BAZ2A: variants seen among roughly 807,000 people sequenced by gnomAD.
BAZ2A encodes bromodomain adjacent to zinc finger domain 2A.
BAZ2A carries 34 observed loss-of-function variants against 199.9 expected under a neutral mutation model. The ratio of observed to expected loss-of-function variants is 0.17; its 90% CI spans 0.13 to 0.23. The LOEUF (loss-of-function observed/expected upper bound fraction) is 0.23, where lower values mean the gene tolerates loss of function less well. BAZ2A is among the 10% of genes least tolerant of loss of function. BAZ2A has a pLI of 1.00. For synonymous variants in BAZ2A, 857 were observed against 883.9 expected, an observed-to-expected ratio of 0.97 and a Z score of 0.54; for missense variants, 2,002 against 2,391.1, an observed-to-expected ratio of 0.84 and a Z score of 3.39.
chr12:56,608,892 T>TG (rs1950462955), intron 10 of BAZ2A, among the ~76,000 whole-genome samples: 2 of 136,060 alleles, frequency 1.5e-5, no homozygotes, highest in Non-Finnish European at 3.1e-5. Flanking sequence ...TTTTTTTTTT[T>TG]GAGACAGAGT....
upstream of BAZ2A, among the ~76,000 whole-genome samples, chr12:56,632,890 C>A (rs149364322): frequency 6.6e-6 from 1 of 152,108 alleles, no homozygotes; most frequent in Non-Finnish European, 1.5e-5. Flanking sequence ...CCCATCCAGA[C>A]GAGAGAGGGC....
chr12:56,598,976 G>C lies in BAZ2A; in HGVS notation c.5438C>G (p.Ala1813Gly). The change falls in exon 28 of 29, where the codon GCC (alanine) becomes GGC (glycine). Residue 1813 changes from alanine (A) to glycine (G), a missense_variant. By Grantham distance (60) the Ala-to-Gly change is moderately conservative. Transcript: ENST00000549884. The part of the protein sequence containing the change: ...ILMEMESHDA[A>G]WPFLEPVNPR... ...GTTCACAGGCTCTAGGAAAGGCCAGGCTGCATCATGGGACTCCATCTCCAT... is the reference window on the plus strand; with the variant it reads ...GTTCACAGGCTCTAGGAAAGGCCAGCCTGCATCATGGGACTCCATCTCCAT... 1 of 1,610,792 alleles carries C rather than the reference G, an allele frequency of 6.2e-7. No individual in the cohort carries two copies. The highest frequency in any genetic ancestry group is 8.5e-7 in the Non-Finnish European group (1 of 1,178,616).
In BAZ2A at chr12:56,606,236, C is replaced by T; in HGVS notation, c.2259+11G>A. On this transcript the variant is annotated intron_variant, in intron 12 of 28. Transcript: ENST00000549884. ...CGAAATTATACTTGGCAAGTTTGTA[C>T]ATGCACCTACCTTGGATTTCTTCTT... The T allele has an allele frequency of 6.2e-7, 1 of 1,613,978 alleles. No homozygotes were observed. Among genetic ancestry groups the T allele is most frequent in the Non-Finnish European group, 8.5e-7 (1 of 1,179,868 alleles).
intron 25 of BAZ2A, 29 bp from the exon 26 acceptor site, chr12:56,599,877 G>A (rs1286928762): frequency 6.2e-7 from 1 of 1,613,724 alleles, no homozygotes. Flanking sequence ...GAGGCAGAAT[G>A]AGCTCTCCAG....
rs1382290463 is a variant in BAZ2A, at chr12:56,617,396, T to C, written c.135A>G (p.Lys45=). The C allele has an allele frequency of 6.3e-7, 1 of 1,598,336 alleles. No homozygotes were observed. The highest frequency in any genetic ancestry group is 1.1e-5 in the South Asian group (1 of 87,926). ...AGGCCAAGCAGCCCTCACACTCACT[T>C]TTCCCTTGCTGGGGGAAGTTCATGG... is the stretch of plus-strand genomic sequence containing the variant. The part of the protein sequence containing the change: ...GSPMNFPQQG[K]SLNGDVNVNG... The change falls in exon 2 of 29, where the codon AAA becomes AAG. Residue 45 remains lysine, a splice_region_variant and synonymous_variant. Coordinates refer to ENST00000549884, the MANE Select transcript of BAZ2A (RefSeq NM_001300905.2).
At chr12:56,612,617 C>T (rs1460817235) in intron 5 of BAZ2A, among the ~76,000 whole-genome samples, 1 of 152,156 alleles carries the variant, frequency 6.6e-6, no homozygotes, top group Non-Finnish European at 1.5e-5. Context: ...CAGCAAGGTG[C>T]TCTTGCTTTC....
intron 4 of BAZ2A, 97 bp downstream of exon 4, chr12:56,613,856 C>G: frequency 7.4e-7 from 1 of 1,344,564 alleles, no homozygotes; most frequent in Admixed American, 2.3e-5. Context: ...CCCAGTGCCC[C>G]TGATTGCCTA....
intron 11 of BAZ2A, 156 bp downstream of exon 11, chr12:56,606,477 G>A: frequency 1.7e-6 from 2 of 1,188,824 alleles, no homozygotes; most frequent in Non-Finnish European, 2.5e-6. Context: ...CGTTATTTTT[G>A]AACAAACCCA....
At chr12:56,617,256 G>T in intron 2 of BAZ2A, 139 bp downstream of exon 2, 3 of 1,067,460 alleles carry the variant, frequency 2.8e-6, no homozygotes, top group Non-Finnish European at 3.8e-6. Context: ...TACAAAAAAT[G>T]TTTCCAAAAA....
chr12:56,632,079 T>C (rs1015908705), upstream of BAZ2A, among the ~76,000 whole-genome samples: 5 of 151,846 alleles, frequency 3.3e-5, no homozygotes, highest in African/African-American at 4.8e-5. Context: ...CCTTCTCTCC[T>C]CCCTGTCAAA....
intron 7 of BAZ2A, among the ~76,000 whole-genome samples, chr12:56,610,967 T>C (rs1950540788): frequency 6.6e-6 from 1 of 152,158 alleles, no homozygotes; most frequent in East Asian, 1.9e-4. Context: ...AGGAACTCTG[T>C]GTTCTGAGCA....
intron 2 of BAZ2A, 37 bp downstream of exon 2, chr12:56,617,358 C>T: frequency 1.9e-6 from 3 of 1,550,606 alleles, no homozygotes; most frequent in Non-Finnish European, 2.6e-6. Context: ...GGGATGATGC[C>T]CATTCCCTCC....
intron 11 of BAZ2A, 131 bp from the exon 12 acceptor site, chr12:56,606,443 ATTC>A: frequency 1.6e-6 from 2 of 1,229,130 alleles, no homozygotes; most frequent in Middle Eastern, 1.9e-4. Context: ...CAATGGATTA[ATTC>A]TCTCACCCTA....
In BAZ2A at chr12:56,611,573, C is replaced by A; in HGVS notation, c.1670G>T (p.Gly557Val). The A allele has an allele frequency of 6.2e-7, 1 of 1,612,358 alleles. No homozygotes were observed. The highest frequency in any genetic ancestry group is 8.5e-7 in the Non-Finnish European group (1 of 1,178,490). The change falls in exon 7 of 29, where the codon GGG becomes GTG. Residue 557 changes from glycine (G) to valine (V), a missense_variant and splice_region_variant. Physicochemically the swap from Gly to Val is moderately radical, Grantham distance 109 (BLOSUM62 -3). This residue lies in a region of BAZ2A where 641 missense variants were observed against 694.5 expected (regional missense o/e 0.92). Transcript: ENST00000549884. Reference protein sequence around the residue: ...PEEVRLPLQHGWRREVRIKKG... With the variant: ...PEEVRLPLQHVWRREVRIKKG... The stretch of plus-strand genomic sequence containing the variant: ...AAATGTAGCAAACTAGAGCATTTAC[C>A]CATGTTGGAGGGGAAGACGAACTTC...
chr12:56,636,447 G>A (rs1951451060), upstream of BAZ2A: 1 of 1,203,788 alleles, frequency 8.3e-7, no homozygotes, highest in South Asian at 2.0e-5. Context: ...GCGAGGACAG[G>A]GCAGACCAGG....
chr12:56,603,257 C>A, intron 18 of BAZ2A, 102 bp downstream of exon 18: 1 of 1,323,124 alleles, frequency 7.6e-7, no homozygotes, highest in East Asian at 2.5e-5. Context: ...AACAGAAACC[C>A]CATCTCAAAA....
intron 13 of BAZ2A, 26 bp from the exon 14 acceptor site, chr12:56,605,353 G>C (rs764065412): frequency 6.3e-7 from 1 of 1,579,760 alleles, no homozygotes; most frequent in Admixed American, 1.7e-5. Flanking sequence ...TGAGTAGAGA[G>C]TTCTGTTAAA....
At chr12:56,638,096 A>G (rs1249553391), upstream of BAZ2A, 1 of 474,878 alleles carries the variant, frequency 2.1e-6, no homozygotes, top group Non-Finnish European at 3.8e-6. Context: ...ACAGCCAGAC[A>G]CCGTGTCTCT....
Position 56,599,289 on chromosome 12 carries a change from A to C in BAZ2A, c.5242T>G (p.Ser1748Ala). Reference protein sequence around the residue: ...KRGQKRKSGYSLNFSEGDGRR... With the variant: ...KRGQKRKSGYALNFSEGDGRR... Reference sequence around the variant, plus strand: ...CCATCACCCTCTGAGAAGTTCAGCGAATAACCACTTTTCCGCTTCTGGCCA... The same window carrying C: ...CCATCACCCTCTGAGAAGTTCAGCGCATAACCACTTTTCCGCTTCTGGCCA... The change falls in exon 27 of 29, where the codon TCG becomes GCG. Residue 1748 changes from serine (S) to alanine (A), a missense_variant. Physicochemically the swap from Ser to Ala is moderately conservative, Grantham distance 99. Transcript: ENST00000549884. 6.2e-7 allele frequency: 1 copy of C among 1,613,688 alleles called. No individual in the cohort carries two copies. The highest frequency in any genetic ancestry group is 8.5e-7 in the Non-Finnish European group (1 of 1,179,862).
Sources: gnomAD v4.1 joint callset for allele counts (sites outside exome capture counted in the v4.1 genomes callset) on GRCh38, gnomAD v4.1.1 for gene constraint, gnomAD v4.1.1 regional missense constraint, MANE v1.5 for transcripts, NCBI Gene and HGNC (gene_info 2026-07-23, HGNC 2026-07-21) for gene names.